The following FGFR2 variants were observed in gnomAD, a reference collection of about 807,000 sequenced individuals.
FGFR2 encodes fibroblast growth factor receptor 2.
Under a neutral mutation model 95.9 loss-of-function variants are expected in FGFR2, and 19 were observed. The ratio of observed to expected loss-of-function variants is 0.20; its 90% confidence interval spans 0.14 to 0.29. The LOEUF (loss-of-function observed/expected upper bound fraction) is 0.29, where lower values mean the gene tolerates loss of function less well. Ranked by LOEUF, FGFR2 falls within the 10% of genes least tolerant of loss-of-function variation. FGFR2 has a pLI of 1.00. For missense variants in FGFR2, 707 were observed against 1,056.9 expected, an observed-to-expected ratio of 0.67 and a Z score of 4.59; for synonymous variants, 392 against 393.3, an observed-to-expected ratio of 1.00 and a Z score of 0.04.
In FGFR2 at chr10:121,574,358, G is replaced by A. The variant is rs934801339; in HGVS notation, c.110-8654C>T. 2.7e-4 allele frequency among the ~76,000 whole-genome samples: 41 copies of A among 151,902 alleles called. 1 individual carries two copies. The highest frequency in any genetic ancestry group is 1.7e-4 in the African/African-American group (7 of 41,356). ...GGCCTGGCCAACAAGACGAAACCCCGTCTCTACTAAAAACACAAAAATTAG... is the reference window on the plus strand; with the variant it reads ...GGCCTGGCCAACAAGACGAAACCCCATCTCTACTAAAAACACAAAAATTAG... On this transcript the variant is annotated intron_variant, in intron 2 of 17. Transcript: ENST00000358487.
intron 5 of FGFR2, among the ~76,000 whole-genome samples, chr10:121,538,999 G>C (rs1158221469): frequency 6.6e-6 from 1 of 152,232 alleles, no homozygotes; most frequent in Non-Finnish European, 1.5e-5. Flanking sequence ...GGCTCCTCTA[G>C]GAGAGGCCAA....
At chr10:121,534,388 C>T (rs1483643199) in intron 6 of FGFR2, among the ~76,000 whole-genome samples, 1 of 148,814 alleles carries the variant, frequency 6.7e-6, no homozygotes, top group Non-Finnish European at 1.5e-5. Flanking sequence ...TGAGCCACCG[C>T]GCCCGGCTTT....
At chr10:121,510,158 T>C (rs1244543508) in intron 9 of FGFR2, among the ~76,000 whole-genome samples, 1 of 152,198 alleles carries the variant, frequency 6.6e-6, no homozygotes, top group Non-Finnish European at 1.5e-5. Flanking sequence ...ATTTAGGTAA[T>C]TAGGCAAGGC....
chr10:121,578,823 T>C (rs923798677), intron 2 of FGFR2, among the ~76,000 whole-genome samples: 1 of 152,182 alleles, frequency 6.6e-6, no homozygotes, highest in Non-Finnish European at 1.5e-5. Flanking sequence ...GGCAAGAGAA[T>C]CACTTGAACT....
intron 6 of FGFR2, among the ~76,000 whole-genome samples, chr10:121,526,001 C>T (rs996423469): frequency 3.9e-5 from 6 of 152,196 alleles, no homozygotes; most frequent in African/African-American, 1.4e-4. Flanking sequence ...AGCCACCTCT[C>T]TCCGGCAGTC....
intron 17 of FGFR2, among the ~76,000 whole-genome samples, chr10:121,481,580 T>TA (rs41294237): frequency 1.8e-4 from 27 of 152,292 alleles, no homozygotes; most frequent in African/African-American, 6.5e-4. Flanking sequence ...CTTACAATGA[T>TA]AAAAACGAAA....
chr10:121,519,096 G>A (rs1850131949), intron 7 of FGFR2, among the ~76,000 whole-genome samples: 1 of 152,184 alleles, frequency 6.6e-6, no homozygotes, highest in Non-Finnish European at 1.5e-5. Flanking sequence ...CAATGCCTTT[G>A]ATCCTTGGAA....
At chr10:121,549,908 C>T (rs1236011449) in intron 5 of FGFR2, among the ~76,000 whole-genome samples, 2 of 152,158 alleles carry the variant, frequency 1.3e-5, no homozygotes, top group East Asian at 3.8e-4. Flanking sequence ...CTGATCCAGG[C>T]AACAATGAGG....
intron 2 of FGFR2, 69 bp downstream of exon 2, chr10:121,593,640 A>G: frequency 7.4e-7 from 1 of 1,350,538 alleles, no homozygotes; most frequent in Middle Eastern, 1.8e-4. Flanking sequence ...TGATTCTAAA[A>G]CAGGCCTTAA....
intron 13 of FGFR2, among the ~76,000 whole-genome samples, chr10:121,490,350 G>T (rs897418730): frequency 3.3e-5 from 5 of 151,990 alleles, no homozygotes; most frequent in African/African-American, 1.2e-4. Flanking sequence ...TTTTGGTAGA[G>T]ATAGGGTTTC....
chr10:121,592,165 C>A lies in FGFR2; in HGVS notation c.109+1544G>T, dbSNP rs191330967. On this transcript the variant is annotated intron_variant, in intron 2 of 17. Transcript: ENST00000358487. ...CTTCCTCAGTTTTTGCCGAGCCACG[C>A]ACTCAAGGGAAAACCAGCAATCACG... Among the ~76,000 whole-genome samples, 606 of 152,322 alleles carry A rather than the reference C, an allele frequency of 4.0e-3. 3 individuals carry two copies. Among genetic ancestry groups the A allele is most frequent in the African/African-American group, 0.013 (536 of 41,572 alleles).
At chr10:121,509,788 G>A (rs189786515) in intron 9 of FGFR2, among the ~76,000 whole-genome samples, 17 of 152,002 alleles carry the variant, frequency 1.1e-4, no homozygotes, top group East Asian at 5.8e-4. Context: ...CGGTCTAACA[G>A]TGTTATCTCT....
At chr10:121,554,052 G>A (rs953380035) in intron 4 of FGFR2, among the ~76,000 whole-genome samples, 4 of 152,182 alleles carry the variant, frequency 2.6e-5, no homozygotes, top group African/African-American at 4.8e-5. Flanking sequence ...CACTTCCCTC[G>A]GGTGATATTT....
At chr10:121,545,624 AT>A (rs1465132898) in intron 5 of FGFR2, among the ~76,000 whole-genome samples, 1 of 152,226 alleles carries the variant, frequency 6.6e-6, no homozygotes, top group Non-Finnish European at 1.5e-5. Context: ...CTGAAAAAAA[AT>A]CTCCATAAAG....
intron 5 of FGFR2, among the ~76,000 whole-genome samples, chr10:121,550,061 T>C (rs1855137926): frequency 6.6e-6 from 1 of 152,266 alleles, no homozygotes; most frequent in Admixed American, 6.5e-5. Context: ...GCTCAATTAT[T>C]ACAGTTCTCT....
chr10:121,506,357 C>CAAAAAAAAAAAAAAAAA (rs10678814), intron 9 of FGFR2, among the ~76,000 whole-genome samples: 5 of 101,174 alleles, frequency 4.9e-5, no homozygotes, highest in African/African-American at 2.0e-4. Flanking sequence ...GACTCCGTCT[C>CAAAAAAAAAAAAAAAAA]AAAAAAAAAA....
intron 13 of FGFR2, among the ~76,000 whole-genome samples, chr10:121,494,952 G>T (rs3135794): frequency 6.6e-6 from 1 of 151,990 alleles, no homozygotes; most frequent in East Asian, 1.9e-4. Flanking sequence ...CACCCTCCCC[G>T]ACCCACAGGA....
intron 5 of FGFR2, 59 bp downstream of exon 5, chr10:121,551,231 G>A: frequency 6.3e-7 from 1 of 1,582,136 alleles, no homozygotes; most frequent in Non-Finnish European, 8.7e-7. Context: ...AAAAAAAAAT[G>A]TAAATAAATA....
chr10:121,541,576 C>A (rs1405062560), intron 5 of FGFR2, among the ~76,000 whole-genome samples: 1 of 152,174 alleles, frequency 6.6e-6, no homozygotes, highest in African/African-American at 2.4e-5. Flanking sequence ...TGCTACAATT[C>A]TTTTGCCAGT....
Sources: allele counts gnomAD v4.1 joint callset (sites outside exome capture counted in the v4.1 genomes callset), GRCh38; gene constraint gnomAD v4.1.1; transcripts MANE v1.5; gene names NCBI Gene and HGNC (gene_info 2026-07-23, HGNC 2026-07-21).